Variants in ZNF730 observed in about 807,000 individuals in gnomAD.
ZNF730 encodes the protein zinc finger protein 730.
ZNF730 carries 12 observed loss-of-function variants against 12.6 expected under a neutral mutation model. The observed-to-expected ratio is 0.95, with a 90% CI of 0.61 to 1.54. The LOEUF is 1.54. Ranked by LOEUF, ZNF730 falls within the 40% of genes most tolerant of loss-of-function variation. The probability of loss-of-function intolerance (pLI) is 0.00; values close to 1 mark genes in which losing one functional copy is unlikely to be tolerated. For synonymous variants in ZNF730, 194 were observed against 195.8 expected (o/e 0.99, Z 0.08); for missense variants, 643 against 583.5 (o/e 1.10, Z -1.05).
In ZNF730 at chr19:23,086,122, C is replaced by T. The variant is rs142250887; in HGVS notation, c.-94+10735C>T. 3.2e-3 allele frequency among the ~76,000 whole-genome samples: 485 copies of T among 152,188 alleles called. 4 individuals carry two copies. Among genetic ancestry groups the T allele is most frequent in the African/African-American group, 8.9e-3 (369 of 41,520 alleles). Reference sequence around the variant, plus strand: ...CCTCCCAAAGTGCTGTGATTACAGGCGTGAGCCGCCTTGCCCGGCCCCACC... The same window carrying T: ...CCTCCCAAAGTGCTGTGATTACAGGTGTGAGCCGCCTTGCCCGGCCCCACC... On this transcript the variant is annotated intron_variant, in intron 1 of 2. Transcript: ENST00000593635.
At chr19:23,103,174 G>A (rs1379444770) in intron 1 of ZNF730, among the ~76,000 whole-genome samples, 1 of 152,114 alleles carries the variant, frequency 6.6e-6, no homozygotes, top group East Asian at 1.9e-4. Flanking sequence ...TCAGTTTATA[G>A]GCAAGTGAGA....
chr19:23,128,865 G>A (rs1042851533), intron 1 of ZNF730, among the ~76,000 whole-genome samples: 1 of 152,192 alleles, frequency 6.6e-6, no homozygotes, highest in Non-Finnish European at 1.5e-5. Flanking sequence ...AGACGGCTTT[G>A]TGGGTCAGGC....
chr19:23,096,631 A>G (rs1970256618), intron 1 of ZNF730, among the ~76,000 whole-genome samples: 1 of 152,030 alleles, frequency 6.6e-6, no homozygotes, highest in Non-Finnish European at 1.5e-5. Context: ...AGCCCTACCC[A>G]CAGAAGGCAT....
intron 1 of ZNF730, among the ~76,000 whole-genome samples, chr19:23,122,558 C>T (rs1970612648): frequency 6.6e-6 from 1 of 152,192 alleles, no homozygotes; most frequent in Middle Eastern, 3.2e-3. Flanking sequence ...TGACAGAAAA[C>T]TGATTATCCA....
chr19:23,092,790 T>A, intron 1 of ZNF730, among the ~76,000 whole-genome samples: 1 of 152,114 alleles, frequency 6.6e-6, no homozygotes, highest in Non-Finnish European at 1.5e-5. Context: ...CCTACCTGAT[T>A]CTGGTGGATA....
intron 1 of ZNF730, among the ~76,000 whole-genome samples, chr19:23,091,925 G>A (rs1187692071): frequency 1.3e-5 from 2 of 152,160 alleles, no homozygotes; most frequent in Admixed American, 6.5e-5. Flanking sequence ...GAGGACATGA[G>A]ATTTGGAGGG....
At chr19:23,129,572 T>TCCCCCCC (rs35242637) in intron 1 of ZNF730, among the ~76,000 whole-genome samples, 2 of 138,486 alleles carry the variant, frequency 1.4e-5, no homozygotes, top group African/African-American at 2.8e-5. Flanking sequence ...AATGCTTGTA[T>TCCCCCCC]CCCCCCCCCC....
chr19:23,126,661 G>GTT (rs59629245), intron 1 of ZNF730: 52,784 of 402,654 alleles, frequency 0.13, 76 homozygotes, highest in South Asian at 0.21. Context: ...AGTTCCACTA[G>GTT]TTTTTTTTTT....
intron 3 of ZNF730, among the ~76,000 whole-genome samples, chr19:23,138,111 G>T (rs1205278971): frequency 1.6e-5 from 1 of 63,708 alleles, no homozygotes; most frequent in Non-Finnish European, 3.6e-5. Context: ...GTGAAACCCC[G>T]TCTCTACTAA....
chr19:23,142,786 A>G (rs1453997000), intron 3 of ZNF730, among the ~76,000 whole-genome samples: 1 of 105,060 alleles, frequency 9.5e-6, no homozygotes, highest in Non-Finnish European at 2.1e-5. Context: ...CTGTTATTTT[A>G]TTATTTTGAT....
At chr19:23,128,214 T>C (rs1489169157) in intron 1 of ZNF730, 2 of 764,102 alleles carry the variant, frequency 2.6e-6, no homozygotes, top group Non-Finnish European at 4.7e-6. Flanking sequence ...AGTTCCCTGG[T>C]TATGATTCTG....
intron 1 of ZNF730, among the ~76,000 whole-genome samples, chr19:23,110,650 A>G (rs879901647): frequency 1.3e-5 from 2 of 152,222 alleles, no homozygotes; most frequent in Non-Finnish European, 2.9e-5. Context: ...CAAAACTCCA[A>G]AAGCTTGCAA....
chr19:23,113,465 C>T (rs1475224107), upstream of ZNF730, among the ~76,000 whole-genome samples: 1 of 152,126 alleles, frequency 6.6e-6, no homozygotes, highest in Non-Finnish European at 1.5e-5. Context: ...CTAGGAATGA[C>T]ATAAGAACAA....
At chr19:23,090,251 A>G (rs1970134346) in intron 1 of ZNF730, among the ~76,000 whole-genome samples, 1 of 151,844 alleles carries the variant, frequency 6.6e-6, no homozygotes, top group African/African-American at 2.4e-5. Context: ...TCTCAAAGAA[A>G]AAAAAAAAAA....
chr19:23,111,388 A>G (rs949162526), intron 1 of ZNF730, among the ~76,000 whole-genome samples: 1 of 152,330 alleles, frequency 6.6e-6, no homozygotes, highest in Non-Finnish European at 1.5e-5. Flanking sequence ...ATATTAGGAT[A>G]CATGTTTTCT....
At chr19:23,136,653 T>C (rs1970836442) in intron 3 of ZNF730, among the ~76,000 whole-genome samples, 1 of 152,212 alleles carries the variant, frequency 6.6e-6, no homozygotes, top group South Asian at 2.1e-4. Context: ...TATTTATTGC[T>C]AATTTTTCTG....
Position 23,146,178 on chromosome 19 carries a change from C to T in ZNF730, c.1134C>T (p.Asn378=). ...ATAAAGAATGTGGTAAAGCTTTTAACCAATCCTCAACTCTTACTATACATA... is the reference window on the plus strand; with the variant it reads ...ATAAAGAATGTGGTAAAGCTTTTAATCAATCCTCAACTCTTACTATACATA... ...YKYKECGKAF[N]QSSTLTIHKI... Residue 378 remains asparagine (N), a synonymous_variant, in exon 4 of 4, where the codon AAC becomes AAT. Coordinates refer to ENST00000597761, the MANE Select transcript of ZNF730 (RefSeq NM_001277403.2). 6.2e-7 allele frequency: 1 copy of T among 1,608,752 alleles called. No individual in the cohort carries two copies. Among genetic ancestry groups the T allele is most frequent in the Non-Finnish European group, 8.5e-7 (1 of 1,177,342 alleles).
Position 23,136,046 on chromosome 19 carries a change from A to C in ZNF730, c.226+3A>C. 6.3e-7 allele frequency: 1 copy of C among 1,589,972 alleles called. No homozygotes were observed. The highest frequency in any genetic ancestry group is 8.6e-7 in the Non-Finnish European group (1 of 1,168,662). ...TGATATGGTAGCCAAACCCCCAGGT[A>C]GGTGACAGTAAATACAATACACAAA... is the stretch of plus-strand genomic sequence containing the variant. On this transcript the variant is annotated splice_donor_region_variant and intron_variant, in intron 3 of 3. Coordinates refer to ENST00000597761, the MANE Select transcript of ZNF730 (RefSeq NM_001277403.2).
intron 1 of ZNF730, among the ~76,000 whole-genome samples, chr19:23,090,378 C>T (rs1970136924): frequency 6.6e-6 from 1 of 152,054 alleles, no homozygotes; most frequent in African/African-American, 2.4e-5. Flanking sequence ...ATTTGTGGAA[C>T]TTTGAGCTTG....
Sources: allele counts gnomAD v4.1 joint callset (sites outside exome capture counted in the v4.1 genomes callset), GRCh38; gene constraint gnomAD v4.1.1; transcripts MANE v1.5; gene names NCBI Gene and HGNC (gene_info 2026-07-23, HGNC 2026-07-21).